Variants in AGPAT4 observed in about 807,000 individuals in gnomAD.
AGPAT4 encodes 1-acyl-sn-glycerol-3-phosphate acyltransferase delta.
A neutral mutation model predicts 48.0 loss-of-function variants in AGPAT4; 15 were observed. The observed-to-expected ratio is 0.31, with a 90% CI of 0.21 to 0.48. The LOEUF is 0.48. Ranked by LOEUF, AGPAT4 falls within the 20% of genes least tolerant of loss-of-function variation. AGPAT4 has a pLI of 0.99. For synonymous variants in AGPAT4, 178 were observed against 198.7 expected, an observed-to-expected ratio of 0.90 and a Z score of 0.88; for missense variants, 314 against 482.5, an observed-to-expected ratio of 0.65 and a Z score of 3.27.
rs1782909284 is a variant in AGPAT4, at chr6:161,255,028, C to T, written c.-90+18910G>A. On this transcript the variant is annotated intron_variant, in intron 1 of 8. Transcript: ENST00000320285. This position sits in a 1 kb window ranked among gnomAD's most constrained non-coding sequence, Gnocchi z 4.7. ...TCCGAGGCCATTGCAGAGCCAGATA[C>T]GGTTACACAGCCCTTCTGAAGCAAA... is the stretch of plus-strand genomic sequence containing the variant. Among the ~76,000 whole-genome samples, 1 of 152,194 alleles carries T rather than the reference C, an allele frequency of 6.6e-6. No homozygotes were observed. Among genetic ancestry groups the T allele is most frequent in the East Asian group, 1.9e-4 (1 of 5,190 alleles).
In AGPAT4 at chr6:161,226,539, G is replaced by A. The variant is rs188080752; in HGVS notation, c.178+5497C>T. Among the ~76,000 whole-genome samples, 34 of 152,280 alleles carry A rather than the reference G, an allele frequency of 2.2e-4. No individual in the cohort carries two copies. In the East Asian group the frequency reaches 6.2e-3, roughly 28 times the overall value. On this transcript the variant is annotated intron_variant, in intron 2 of 8. Transcript: ENST00000320285. The surrounding 1 kb of genome is among the most constrained non-coding windows in gnomAD (Gnocchi z 6.3). ...TTGTATTTTCATTTGTGGGGTAGGG[G>A]GTGGCCCACACCCAGTTGTTGCCTG...
Position 161,214,163 on chromosome 6 carries a change from G to A in AGPAT4, c.178+17873C>T, listed in dbSNP as rs1022362462. ...TGTGACCTGGAAGCCCCTCTCCTTC[G>A]AGTTGTCCTGCCTTTCCAGACCAAA... On this transcript the variant is annotated intron_variant, in intron 2 of 8. Transcript: ENST00000320285. This position sits in a 1 kb window ranked among gnomAD's most constrained non-coding sequence, Gnocchi z 5.4. 3.9e-5 allele frequency among the ~76,000 whole-genome samples: 6 copies of A among 152,050 alleles called. No homozygotes were observed. The highest frequency in any genetic ancestry group is 9.7e-5 in the African/African-American group (4 of 41,390).
chr6:161,208,323 C>G lies in AGPAT4; in HGVS notation c.178+23713G>C, dbSNP rs1449173925. 6.6e-6 allele frequency among the ~76,000 whole-genome samples: 1 copy of G among 152,198 alleles called. No individual in the cohort carries two copies. Among genetic ancestry groups the G allele is most frequent in the Non-Finnish European group, 1.5e-5 (1 of 68,038 alleles). On this transcript the variant is annotated intron_variant, in intron 2 of 8. Coordinates refer to ENST00000320285, the MANE Select transcript of AGPAT4 (RefSeq NM_020133.3). The surrounding 1 kb of genome is among the most constrained non-coding windows in gnomAD (Gnocchi z 4.6). ...TGTGGAACTTCCCTAACAATGTGCT[C>G]TTGTACATTTATCATCTTTCTGGCT...
rs963247471 is a variant in AGPAT4 at position 161,197,086 on chromosome 6, CA to C, written c.179-30670del. Among the ~76,000 whole-genome samples the C allele has an allele frequency of 2.6e-5, 4 of 152,180 alleles. No homozygotes were observed. The highest frequency in any genetic ancestry group is 9.6e-5 in the African/African-American group (4 of 41,454). On this transcript the variant is annotated intron_variant, in intron 2 of 8. Transcript: ENST00000320285. The surrounding 1 kb of genome is among the most constrained non-coding windows in gnomAD (Gnocchi z 5.7). ...AGGAAAATGACACCAACCACTTTCC[CA>C]AACTTGTTTCATGGAACGGATCCAG...
rs1303810928 is a variant in AGPAT4, at chr6:161,264,605, C to T, written c.-90+9333G>A. On this transcript the variant is annotated intron_variant, in intron 1 of 8. Coordinates refer to ENST00000320285, the MANE Select transcript of AGPAT4 (RefSeq NM_020133.3). The surrounding 1 kb of genome is among the most constrained non-coding windows in gnomAD (Gnocchi z 6.8). ...TTATCCACTGCGTGGGAACCCCTCGCTGAGGCTTCCGTCTTGCCCTCTGGG... is the reference window on the plus strand; with the variant it reads ...TTATCCACTGCGTGGGAACCCCTCGTTGAGGCTTCCGTCTTGCCCTCTGGG... Among the ~76,000 whole-genome samples the T allele has an allele frequency of 6.6e-6, 1 of 152,228 alleles. No homozygotes were observed. The highest frequency in any genetic ancestry group is 1.5e-5 in the Non-Finnish European group (1 of 68,036).
In AGPAT4 at chr6:161,233,103, C is replaced by A. The variant is rs1003593056; in HGVS notation, c.-89-801G>T. On this transcript the variant is annotated intron_variant, in intron 1 of 8. Transcript: ENST00000320285. This position sits in a 1 kb window ranked among gnomAD's most constrained non-coding sequence, Gnocchi z 5.4. The stretch of plus-strand genomic sequence containing the variant: ...ACACAGAGACACATAGACACACACA[C>A]AAACACCACACACACACACACACAC... 1.0e-4 allele frequency among the ~76,000 whole-genome samples: 15 copies of A among 145,430 alleles called. No individual in the cohort carries two copies. The highest frequency in any genetic ancestry group is 8.1e-4 in the Admixed American group (12 of 14,756).
chr6:161,172,781 T>A (rs935615017), intron 2 of AGPAT4, among the ~76,000 whole-genome samples: 3 of 152,164 alleles, frequency 2.0e-5, no homozygotes, highest in African/African-American at 7.2e-5. Flanking sequence ...CTCCTAATGC[T>A]ATCCATCCCC....
Position 161,201,671 on chromosome 6 carries a change from C to T in AGPAT4, c.178+30365G>A, listed in dbSNP as rs142277090. On this transcript the variant is annotated intron_variant, in intron 2 of 8. Coordinates refer to ENST00000320285, the MANE Select transcript of AGPAT4 (RefSeq NM_020133.3). This position sits in a 1 kb window ranked among gnomAD's most constrained non-coding sequence, Gnocchi z 6.0. ...TCTGGAGAGAGGAGCCTGAGATTCC[C>T]CACTTGTAGCAATTCCAGGGTGATG... Among the ~76,000 whole-genome samples, 34 of 152,254 alleles carry T rather than the reference C, an allele frequency of 2.2e-4. 1 individual carries two copies. Among genetic ancestry groups the T allele is most frequent in the African/African-American group, 7.7e-4 (32 of 41,548 alleles).
At chr6:161,187,513 A>C (rs1780803439) in intron 2 of AGPAT4, among the ~76,000 whole-genome samples, 1 of 63,064 alleles carries the variant, frequency 1.6e-5, no homozygotes, top group East Asian at 3.1e-4. Flanking sequence ...CCATTTATTT[A>C]TTTATTTATT....
At position 161,165,501 on chromosome 6, in the gene AGPAT4, T is replaced by G. The variant is rs1780068937; in HGVS notation, c.348+747A>C. The stretch of plus-strand genomic sequence containing the variant: ...CAGGTGCAAAACCTGATCTCTAAGT[T>G]CTGGTGCAAACTCTTAGGACCTTTC... On this transcript the variant is annotated intron_variant, in intron 3 of 8. Coordinates refer to ENST00000320285, the MANE Select transcript of AGPAT4 (RefSeq NM_020133.3). This position sits in a 1 kb window ranked among gnomAD's most constrained non-coding sequence, Gnocchi z 5.5. 1 of 976,402 alleles carries G rather than the reference T, an allele frequency of 1.0e-6. No individual in the cohort carries two copies. The highest frequency in any genetic ancestry group is 1.7e-5 in the African/African-American group (1 of 58,478). 60.5% of individuals were successfully genotyped at this position (976,402 alleles called of 1,614,324 possible).
Position 161,232,151 on chromosome 6 carries a change from A to G in AGPAT4, c.63T>C (p.Phe21=). Residue 21 remains phenylalanine, a synonymous_variant, in exon 2 of 9, where the codon TTT becomes TTC. Transcript: ENST00000320285. The surrounding 1 kb of genome is among the most constrained non-coding windows in gnomAD (Gnocchi z 6.8). The stretch of plus-strand genomic sequence containing the variant: ...TGTTGATGATTAGCCCTGAGGCAAT[A>G]AAGACGTAGCAGAAGACCAGGTGGC... The part of the protein sequence containing the change: ...FLCHLVFCYV[F]IASGLIINTI... 6.2e-7 allele frequency: 1 copy of G among 1,614,194 alleles called. No individual in the cohort carries two copies. The highest frequency in any genetic ancestry group is 8.5e-7 in the Non-Finnish European group (1 of 1,180,040).
At chr6:161,167,524 A>G (rs1025089589) in intron 2 of AGPAT4, among the ~76,000 whole-genome samples, 2 of 152,204 alleles carry the variant, frequency 1.3e-5, no homozygotes, top group Non-Finnish European at 2.9e-5. Context: ...GCACTGGGCC[A>G]TGTGCCCCCC....
intron 1 of AGPAT4, among the ~76,000 whole-genome samples, chr6:161,268,326 C>G (rs555677409): frequency 6.6e-6 from 1 of 152,306 alleles, no homozygotes; most frequent in East Asian, 1.9e-4. Context: ...TCATCTCCTA[C>G]AAGAATTTCT....
chr6:161,210,059 G>A (rs376491003), intron 2 of AGPAT4, among the ~76,000 whole-genome samples: 61 of 152,256 alleles, frequency 4.0e-4, no homozygotes, highest in African/African-American at 1.1e-3. Flanking sequence ...CTGTAAAAGC[G>A]TCTAACCTCA....
chr6:161,253,916 T>C (rs1040720006), intron 1 of AGPAT4, among the ~76,000 whole-genome samples: 3 of 152,222 alleles, frequency 2.0e-5, no homozygotes, highest in African/African-American at 4.8e-5. Context: ...CAATTTGTTT[T>C]CAGTGCTACA....
Position 161,259,370 on chromosome 6 carries a change from A to T in AGPAT4, c.-90+14568T>A, listed in dbSNP as rs554497140. Among the ~76,000 whole-genome samples the T allele has an allele frequency of 3.6e-4, 55 of 152,142 alleles. 1 individual carries two copies. In the South Asian group the frequency reaches 8.3e-3, roughly 23 times the overall value. On this transcript the variant is annotated intron_variant, in intron 1 of 8. Transcript: ENST00000320285. This position sits in a 1 kb window ranked among gnomAD's most constrained non-coding sequence, Gnocchi z 4.9. ...AGCACCAATCATCCTTTCTATACTG[A>T]GATAGTCCTAATATGACCTTGGCTG...
rs1479463384 is a variant in AGPAT4, at chr6:161,132,700, C to T, written c.*3840G>A. 1.3e-5 allele frequency: 2 copies of T among 152,288 alleles called. No homozygotes were observed. The highest frequency in any genetic ancestry group is 2.9e-5 in the Non-Finnish European group (2 of 68,068). The allele number at this position is 152,288 out of a possible 1,614,324, so 9.4% of individuals were successfully genotyped here. A position where few individuals can be genotyped will look rare whatever the true frequency, so the allele number is the denominator to read the frequency against. ...TACACATGGGCTTGCCTAAGTATTT[C>T]CTTCTCTGTGAACATCACTTAGGAG... is the stretch of plus-strand genomic sequence containing the variant. On this transcript the variant is annotated 3_prime_UTR_variant, in exon 9 of 9. Transcript: ENST00000320285.
rs1016054555 is a variant in AGPAT4, at chr6:161,221,014, C to G, written c.178+11022G>C. On this transcript the variant is annotated intron_variant, in intron 2 of 8. Transcript: ENST00000320285. The surrounding 1 kb of genome is among the most constrained non-coding windows in gnomAD (Gnocchi z 4.5). Reference sequence around the variant, plus strand: ...GGTCAGGCTGGTCTTGAACTCCTGACCTCAGGTGATCTACCCGCCTCAGCC... The same window carrying G: ...GGTCAGGCTGGTCTTGAACTCCTGAGCTCAGGTGATCTACCCGCCTCAGCC... Among the ~76,000 whole-genome samples, 1 of 152,072 alleles carries G rather than the reference C, an allele frequency of 6.6e-6. No individual in the cohort carries two copies. The highest frequency in any genetic ancestry group is 1.5e-5 in the Non-Finnish European group (1 of 68,008).
chr6:161,132,258 G>C lies in AGPAT4; in HGVS notation c.*4282C>G, dbSNP rs1471689860. 1 of 152,204 alleles carries C rather than the reference G, an allele frequency of 6.6e-6. No homozygotes were observed. The highest frequency in any genetic ancestry group is 1.9e-4 in the East Asian group (1 of 5,198). 9.4% of individuals were successfully genotyped at this position (152,204 alleles called of 1,614,324 possible). A position where few individuals can be genotyped will look rare whatever the true frequency, so the allele number is the denominator to read the frequency against. On this transcript the variant is annotated 3_prime_UTR_variant, in exon 9 of 9. Transcript: ENST00000320285. ...AATTTCTGAAGATCTTTGTAGGGAA[G>C]CACCCTTCTGAGATGAAACCAATTT...
Sources: allele counts gnomAD v4.1 joint callset (sites outside exome capture counted in the v4.1 genomes callset), GRCh38; gene constraint gnomAD v4.1.1; non-coding constraint Gnocchi (gnomAD v3.1); transcripts MANE v1.5; gene names NCBI Gene and HGNC (gene_info 2026-07-23, HGNC 2026-07-21).